CFAP53: variants seen among roughly 807,000 people sequenced by gnomAD.
CFAP53 encodes cilia- and flagella-associated protein 53.
In CFAP53, 62 loss-of-function variants were observed where a neutral mutation model predicts 59.7. That is an observed-to-expected ratio of 1.04 (90% CI 0.85 to 1.28). The LOEUF (loss-of-function observed/expected upper bound fraction) is 1.28, where lower values mean the gene tolerates loss of function less well. Among genes scored for constraint, CFAP53 ranks in the 50% most tolerant of loss-of-function variants. CFAP53 has a pLI of 0.00. For synonymous variants in CFAP53, 218 were observed against 205.7 expected (o/e 1.06, Z -0.51); for missense variants, 629 against 615.6 (o/e 1.02, Z -0.23).
intron 3 of CFAP53, among the ~76,000 whole-genome samples, chr18:50,258,576 G>A (rs759128578): frequency 2.6e-5 from 4 of 152,022 alleles, no homozygotes; most frequent in South Asian, 2.1e-4. Context: ...CTATAAGCAC[G>A]GGCAACCAAA....
At chr18:50,260,270 G>A (rs138680920) in intron 3 of CFAP53, among the ~76,000 whole-genome samples, 20 of 152,290 alleles carry the variant, frequency 1.3e-4, no homozygotes, top group Non-Finnish European at 2.5e-4. Context: ...TCTGAAAACC[G>A]AGGGTCACCA....
chr18:50,241,978 G>C (rs936125905), intron 6 of CFAP53, among the ~76,000 whole-genome samples: 2 of 152,154 alleles, frequency 1.3e-5, no homozygotes, highest in African/African-American at 4.8e-5. Context: ...GCATAAGACA[G>C]ACACTCCCAG....
At chr18:50,233,162 C>T (rs1385339823) in intron 7 of CFAP53, among the ~76,000 whole-genome samples, 1 of 152,130 alleles carries the variant, frequency 6.6e-6, no homozygotes, top group African/African-American at 2.4e-5. Flanking sequence ...TGAGATAAAA[C>T]TCATTCTTTG....
chr18:50,238,991 C>A (rs2033662952), intron 6 of CFAP53, among the ~76,000 whole-genome samples: 1 of 150,948 alleles, frequency 6.6e-6, no homozygotes, highest in African/African-American at 2.4e-5. Context: ...ACTTTTCTCT[C>A]CTTGAAGACA....
intron 6 of CFAP53, among the ~76,000 whole-genome samples, chr18:50,242,072 C>T (rs1319579879): frequency 6.6e-6 from 1 of 152,216 alleles, no homozygotes; most frequent in Non-Finnish European, 1.5e-5. Flanking sequence ...AGCAATATTT[C>T]TCCTACTCGC....
intron 7 of CFAP53, among the ~76,000 whole-genome samples, chr18:50,237,351 T>TATATATATAC (rs67836600): frequency 0.056 from 917 of 16,246 alleles, 238 homozygotes; most frequent in Middle Eastern, 0.077. Context: ...TATATATATA[T>TATATATATAC]ACGCACACAT....
At chr18:50,249,915 T>C (rs564384534) in intron 5 of CFAP53, among the ~76,000 whole-genome samples, 1 of 152,234 alleles carries the variant, frequency 6.6e-6, no homozygotes, top group South Asian at 2.1e-4. Flanking sequence ...CATGTGAATC[T>C]ACAATCATAT....
chr18:50,250,697 G>T, intron 5 of CFAP53, 61 bp downstream of exon 5: 1 of 1,323,320 alleles, frequency 7.6e-7, no homozygotes, highest in Non-Finnish European at 1.1e-6. Flanking sequence ...TCTTCCACAA[G>T]ACTGAGAACT....
chr18:50,249,302 G>T (rs1337691503), intron 5 of CFAP53, among the ~76,000 whole-genome samples: 5 of 151,426 alleles, frequency 3.3e-5, no homozygotes, highest in Non-Finnish European at 7.4e-5. Flanking sequence ...AGGATTACTT[G>T]AGCCCAGGAG....
chr18:50,262,344 A>C lies in CFAP53; in HGVS notation c.70-125T>G, dbSNP rs577144114. On this transcript the variant is annotated intron_variant, in intron 1 of 7. Coordinates refer to ENST00000398545, the MANE Select transcript of CFAP53 (RefSeq NM_145020.5). Reference sequence around the variant, plus strand: ...TGGGTATAAAAAACTAATACATCCTACTACAACTGAATACAGCTTATGCAC... The same window carrying C: ...TGGGTATAAAAAACTAATACATCCTCCTACAACTGAATACAGCTTATGCAC... 80 of 698,040 alleles carry C rather than the reference A, an allele frequency of 1.1e-4. No homozygotes were observed. The South Asian group carries it at 1.4e-3, about 12-fold the overall frequency. 43.2% of individuals were successfully genotyped at this position (698,040 alleles called of 1,614,324 possible). A position where few individuals can be genotyped will look rare whatever the true frequency, so the allele number is the denominator to read the frequency against.
chr18:50,246,123 C>A (rs999515854), intron 5 of CFAP53, among the ~76,000 whole-genome samples: 1 of 152,192 alleles, frequency 6.6e-6, no homozygotes, highest in Non-Finnish European at 1.5e-5. Context: ...CTCCTGACCT[C>A]AGGTGATCCT....
At chr18:50,265,033 T>C (rs985725017) in intron 1 of CFAP53, among the ~76,000 whole-genome samples, 4 of 152,222 alleles carry the variant, frequency 2.6e-5, no homozygotes, top group African/African-American at 7.2e-5. Flanking sequence ...TGGAGCATAA[T>C]AAAACTGTAT....
intron 7 of CFAP53, among the ~76,000 whole-genome samples, chr18:50,237,197 T>C (rs2033642125): frequency 6.9e-6 from 1 of 145,154 alleles, no homozygotes; most frequent in Non-Finnish European, 1.5e-5. Flanking sequence ...TCCTAGGTAT[T>C]TGAGTGGCTG....
chr18:50,234,303 T>C (rs1599113709), intron 7 of CFAP53, among the ~76,000 whole-genome samples: 1 of 152,348 alleles, frequency 6.6e-6, no homozygotes, highest in East Asian at 1.9e-4. Flanking sequence ...GGGGTTGAGA[T>C]TGGACAACTT....
At chr18:50,245,120 C>G (rs1279159605) in intron 5 of CFAP53, among the ~76,000 whole-genome samples, 12 of 150,376 alleles carry the variant, frequency 8.0e-5, no homozygotes, top group African/African-American at 2.9e-4. Context: ...CGGTGGCTCA[C>G]GCCTGTAATC....
intron 5 of CFAP53, among the ~76,000 whole-genome samples, chr18:50,245,934 G>A (rs759104945): frequency 6.6e-6 from 1 of 151,778 alleles, no homozygotes; most frequent in African/African-American, 2.4e-5. Flanking sequence ...CTTGTTGCTC[G>A]GGCTGGAGTG....
chr18:50,261,384 T>TTTTTTG lies in CFAP53; in HGVS notation c.300-153_300-148dup, dbSNP rs553896243. On this transcript the variant is annotated intron_variant, in intron 2 of 7. Transcript: ENST00000398545. The stretch of plus-strand genomic sequence containing the variant: ...CACAGAATAAGACTGGTTGGTTTGT[T>TTTTTTG]TTTTTGTTTTTGTTTTTGTTTTTGT... 1.3e-3 allele frequency: 1,277 copies of TTTTTTG among 991,268 alleles called. 28 individuals are homozygous for TTTTTTG. The East Asian group carries it at 0.027, about 21-fold the overall frequency. The allele number at this position is 991,268 out of a possible 1,614,324, so 61.4% of individuals were successfully genotyped here.
chr18:50,243,163 C>G (rs2033709188), intron 5 of CFAP53, 47 bp from the exon 6 acceptor site: 1 of 1,379,982 alleles, frequency 7.2e-7, no homozygotes, highest in Non-Finnish European at 1.0e-6. Flanking sequence ...TGGTGTGATA[C>G]TATAGTAAGG....
intron 1 of CFAP53, among the ~76,000 whole-genome samples, chr18:50,265,040 G>C (rs1446920334): frequency 6.6e-6 from 1 of 152,186 alleles, no homozygotes; most frequent in African/African-American, 2.4e-5. Flanking sequence ...TAATAAAACT[G>C]TATCACTGAT....
Sources: allele counts gnomAD v4.1 joint callset (sites outside exome capture counted in the v4.1 genomes callset), GRCh38; gene constraint gnomAD v4.1.1; transcripts MANE v1.5; gene names NCBI Gene and HGNC (gene_info 2026-07-23, HGNC 2026-07-21).